The following VTI1A variants were observed in gnomAD, a reference collection of about 807,000 sequenced individuals.
VTI1A encodes the protein vesicle transport through interaction with t-SNAREs homolog 1A.
Under a neutral mutation model 34.9 loss-of-function variants are expected in VTI1A, and 22 were observed. That is an observed-to-expected ratio of 0.63 (90% CI 0.45 to 0.90). The LOEUF is 0.90. VTI1A is among the 40% of genes least tolerant of loss of function. The pLI is 0.00. For synonymous variants in VTI1A, 87 were observed against 97.3 expected (o/e 0.89, Z 0.62); for missense variants, 268 against 275.6 (o/e 0.97, Z 0.20).
chr10:112,719,815 C>T (rs776962701), intron 7 of VTI1A, among the ~76,000 whole-genome samples: 71 of 152,122 alleles, frequency 4.7e-4, no homozygotes, highest in Non-Finnish European at 1.9e-4. Context: ...CAAAGTGCTG[C>T]GATTACAGGC....
chr10:112,671,442 G>A (rs2133841047), intron 7 of VTI1A, among the ~76,000 whole-genome samples: 1 of 152,290 alleles, frequency 6.6e-6, no homozygotes, highest in Admixed American at 6.5e-5. Context: ...TATAACATAA[G>A]CTTATTTTCA....
chr10:112,642,980 T>TC (rs1554930275), intron 5 of VTI1A, among the ~76,000 whole-genome samples: 1 of 146,730 alleles, frequency 6.8e-6, no homozygotes, highest in Non-Finnish European at 1.5e-5. Context: ...TTCTTTTCTT[T>TC]TTTTTTTTTT....
chr10:112,576,051 C>T (rs561790880), intron 5 of VTI1A, among the ~76,000 whole-genome samples: 7 of 127,700 alleles, frequency 5.5e-5, no homozygotes, highest in African/African-American at 2.1e-4. Flanking sequence ...GAGGGAGTCT[C>T]GCTCTTTCGC....
At chr10:112,624,063 G>C (rs545638869) in intron 5 of VTI1A, among the ~76,000 whole-genome samples, 1 of 152,198 alleles carries the variant, frequency 6.6e-6, no homozygotes, top group African/African-American at 2.4e-5. Context: ...TTCCGTCTAA[G>C]ATATGAACTT....
intron 3 of VTI1A, among the ~76,000 whole-genome samples, chr10:112,506,692 A>T (rs1189393968): frequency 1.3e-5 from 2 of 152,150 alleles, no homozygotes; most frequent in African/African-American, 4.8e-5. Context: ...ATTTACTCTT[A>T]TTGGAGTTCT....
chr10:112,533,583 A>G (rs1326191139), intron 4 of VTI1A: 2 of 999,072 alleles, frequency 2.0e-6, no homozygotes, highest in East Asian at 1.4e-4. Flanking sequence ...TTTTTTTTTA[A>G]TTCTGCTTTT....
At chr10:112,609,774 C>A (rs1482742627) in intron 5 of VTI1A, among the ~76,000 whole-genome samples, 1 of 152,100 alleles carries the variant, frequency 6.6e-6, no homozygotes, top group Non-Finnish European at 1.5e-5. Context: ...ATTAAATGTT[C>A]TGGGTTTTGT....
At chr10:112,573,354 A>G (rs182725841) in intron 5 of VTI1A, among the ~76,000 whole-genome samples, 3 of 152,178 alleles carry the variant, frequency 2.0e-5, no homozygotes, top group Admixed American at 6.5e-5. Context: ...CCTGTCTAGT[A>G]CCCTGCACTT....
At chr10:112,453,483 T>C (rs1316852427) in intron 1 of VTI1A, among the ~76,000 whole-genome samples, 1 of 152,214 alleles carries the variant, frequency 6.6e-6, no homozygotes, top group African/African-American at 2.4e-5. Context: ...ATCTATTCAT[T>C]TATTTACTTA....
At chr10:112,661,936 T>C (rs1847477028) in intron 5 of VTI1A, among the ~76,000 whole-genome samples, 1 of 152,026 alleles carries the variant, frequency 6.6e-6, no homozygotes, top group African/African-American at 2.4e-5. Context: ...CACACCCAGC[T>C]AATTTTTGCA....
intron 7 of VTI1A, among the ~76,000 whole-genome samples, chr10:112,776,225 G>A (rs956763940): frequency 2.6e-5 from 4 of 152,230 alleles, no homozygotes; most frequent in African/African-American, 2.4e-5. Flanking sequence ...TGTTCAACAC[G>A]CGCTGCACCG....
At chr10:112,769,904 G>A (rs1195989292) in intron 7 of VTI1A, among the ~76,000 whole-genome samples, 1 of 152,164 alleles carries the variant, frequency 6.6e-6, no homozygotes, top group East Asian at 1.9e-4. Flanking sequence ...TTGAGAACTG[G>A]AGAGGGAGTA....
chr10:112,765,240 G>A (rs1255106181), intron 7 of VTI1A, among the ~76,000 whole-genome samples: 2 of 150,866 alleles, frequency 1.3e-5, no homozygotes, highest in East Asian at 3.9e-4. Flanking sequence ...ACGGAGTCTC[G>A]CTCTGTCACC....
At chr10:112,702,545 G>A (rs895015962) in intron 7 of VTI1A, among the ~76,000 whole-genome samples, 1 of 151,578 alleles carries the variant, frequency 6.6e-6, no homozygotes, top group African/African-American at 2.4e-5. Flanking sequence ...TCAGCCTCCC[G>A]AGTAGCTGGG....
At chr10:112,642,537 TA>T (rs1181753629) in intron 5 of VTI1A, among the ~76,000 whole-genome samples, 12 of 152,086 alleles carry the variant, frequency 7.9e-5, no homozygotes, top group Non-Finnish European at 1.3e-4. Context: ...TTTGGGGGCT[TA>T]AAAAATGTTG....
rs4918760 is a variant in VTI1A at position 112,616,506 on chromosome 10, C to G, written c.428-51712C>G. Among the ~76,000 whole-genome samples, 274 of 152,002 alleles carry G rather than the reference C, an allele frequency of 1.8e-3. 1 individual carries two copies. Among genetic ancestry groups the G allele is most frequent in the Middle Eastern group, 6.8e-3 (2 of 294 alleles). ...TAGGCTCTCTGGATTCCTATACATT[C>G]AGTTCAACAAAATATGAGCTTATTA... On this transcript the variant is annotated intron_variant, in intron 5 of 7. Transcript: ENST00000393077.
At chr10:112,470,991 C>T (rs1037287683) in intron 3 of VTI1A, among the ~76,000 whole-genome samples, 3 of 151,906 alleles carry the variant, frequency 2.0e-5, no homozygotes, top group Non-Finnish European at 2.9e-5. Flanking sequence ...AGGGTGGGGG[C>T]GCTCAGAGAA....
chr10:112,515,542 G>A (rs1352273466), intron 3 of VTI1A, among the ~76,000 whole-genome samples: 3 of 151,940 alleles, frequency 2.0e-5, no homozygotes, highest in African/African-American at 7.2e-5. Context: ...TGAAGACATA[G>A]AGCCAGAATC....
chr10:112,593,550 G>T (rs1374559317), intron 5 of VTI1A, among the ~76,000 whole-genome samples: 2 of 152,018 alleles, frequency 1.3e-5, no homozygotes, highest in African/African-American at 2.4e-5. Flanking sequence ...AAAATAAGGG[G>T]TTCTTTTTCA....
Sources: gnomAD v4.1 joint callset for allele counts (sites outside exome capture counted in the v4.1 genomes callset) on GRCh38, gnomAD v4.1.1 for gene constraint, MANE v1.5 for transcripts, NCBI Gene and HGNC (gene_info 2026-07-23, HGNC 2026-07-21) for gene names.